The following FHIT variants were observed in gnomAD, a reference collection of about 807,000 sequenced individuals.
The protein encoded by FHIT is bis(5'-adenosyl)-triphosphatase.
In FHIT, 19 loss-of-function variants were observed where a neutral mutation model predicts 17.9. That is an observed-to-expected ratio of 1.06 (90% CI 0.74 to 1.56). FHIT has a LOEUF of 1.56. FHIT is among the 40% of genes most tolerant of loss of function. The probability of loss-of-function intolerance (pLI) is 0.00; values close to 1 mark genes in which losing one functional copy is unlikely to be tolerated. For missense variants in FHIT, 248 were observed against 189.2 expected (o/e 1.31, Z -1.82); for synonymous variants, 81 against 69.7 (o/e 1.16, Z -0.81).
At chr3:60,622,170 C>T (rs2039151588) in intron 4 of FHIT, among the ~76,000 whole-genome samples, 1 of 152,094 alleles carries the variant, frequency 6.6e-6, no homozygotes, top group African/African-American at 2.4e-5. Context: ...TCACGGTGCC[C>T]CTAAAAGTAC....
chr3:60,845,039 T>G (rs1702877288), intron 3 of FHIT, among the ~76,000 whole-genome samples: 1 of 152,100 alleles, frequency 6.6e-6, no homozygotes, highest in African/African-American at 2.4e-5. Context: ...ATTTATTAAA[T>G]TCATTCTGAA....
At chr3:59,960,469 T>C (rs1276844712) in intron 7 of FHIT, among the ~76,000 whole-genome samples, 1 of 152,022 alleles carries the variant, frequency 6.6e-6, no homozygotes, top group East Asian at 1.9e-4. Context: ...CTTGTTGACT[T>C]TGGAATACCT....
At chr3:60,924,508 G>C (rs193079307) in intron 3 of FHIT, among the ~76,000 whole-genome samples, 49 of 152,294 alleles carry the variant, frequency 3.2e-4, no homozygotes, top group African/African-American at 1.1e-3. Flanking sequence ...CTGACTGTTA[G>C]AAGGAAAACT....
chr3:60,517,269 C>T (rs374617481), intron 5 of FHIT, among the ~76,000 whole-genome samples: 21 of 152,186 alleles, frequency 1.4e-4, no homozygotes, highest in African/African-American at 4.8e-4. Context: ...TGAGAACACA[C>T]AACTTGTTGT....
chr3:60,101,428 C>A (rs1704186248), intron 5 of FHIT, among the ~76,000 whole-genome samples: 1 of 152,206 alleles, frequency 6.6e-6, no homozygotes, highest in Admixed American at 6.5e-5. Context: ...GGCTCTTGCT[C>A]ATCCGTTAAG....
intron 5 of FHIT, among the ~76,000 whole-genome samples, chr3:60,269,378 T>G (rs1037077598): frequency 3.2e-4 from 48 of 152,198 alleles, no homozygotes; most frequent in African/African-American, 1.2e-3. Flanking sequence ...ATAGTTTTCT[T>G]TTACTGACCA....
chr3:59,956,939 T>C (rs983412614), intron 7 of FHIT, among the ~76,000 whole-genome samples: 1 of 152,228 alleles, frequency 6.6e-6, no homozygotes. Context: ...TTTTATTTCC[T>C]AGTACTAATC....
intron 5 of FHIT, among the ~76,000 whole-genome samples, chr3:60,521,392 C>A (rs2446705): frequency 6.6e-6 from 1 of 151,788 alleles, no homozygotes; most frequent in Non-Finnish European, 1.5e-5. Flanking sequence ...GGACTACAGG[C>A]GCCCGCCACC....
intron 2 of FHIT, among the ~76,000 whole-genome samples, chr3:61,188,700 C>T (rs934215288): frequency 4.6e-5 from 7 of 151,936 alleles, no homozygotes; most frequent in African/African-American, 1.2e-4. Flanking sequence ...ACTGGCAAAC[C>T]GAATCCAGCA....
chr3:60,190,619 G>C lies in FHIT; in HGVS notation c.104-176467C>G, dbSNP rs187105601. Among the ~76,000 whole-genome samples, 221 of 151,974 alleles carry C rather than the reference G, an allele frequency of 1.5e-3. 1 individual carries two copies. The East Asian group carries it at 0.036, about 25-fold the overall frequency. On this transcript the variant is annotated intron_variant, in intron 5 of 9. Transcript: ENST00000492590. ...CAACATCACTGGGGACTGTTGTGGGGTGGGGGAGCAGGGAGGGATAGCATT... is the reference window on the plus strand; with the variant it reads ...CAACATCACTGGGGACTGTTGTGGGCTGGGGGAGCAGGGAGGGATAGCATT...
chr3:60,498,372 C>A (rs556378154), intron 5 of FHIT, among the ~76,000 whole-genome samples: 2 of 152,018 alleles, frequency 1.3e-5, no homozygotes, highest in African/African-American at 2.4e-5. Context: ...GTATGTTATA[C>A]CCCCTGATTT....
chr3:60,047,092 G>A (rs1327251472), intron 5 of FHIT, among the ~76,000 whole-genome samples: 5 of 152,168 alleles, frequency 3.3e-5, no homozygotes, highest in African/African-American at 1.2e-4. Flanking sequence ...ATTTTGCTAG[G>A]AATTTGTTAA....
At chr3:60,276,452 T>C (rs574901260) in intron 5 of FHIT, among the ~76,000 whole-genome samples, 1 of 152,184 alleles carries the variant, frequency 6.6e-6, no homozygotes, top group African/African-American at 2.4e-5. Context: ...GATATCAGAG[T>C]ACTCATTCAG....
At chr3:60,589,767 A>G (rs1454307368) in intron 4 of FHIT, among the ~76,000 whole-genome samples, 1 of 152,098 alleles carries the variant, frequency 6.6e-6, no homozygotes, top group Non-Finnish European at 1.5e-5. Context: ...TCACCAAAGC[A>G]GTATATTTTT....
intron 4 of FHIT, among the ~76,000 whole-genome samples, chr3:60,563,429 G>C (rs2037024077): frequency 6.6e-6 from 1 of 152,152 alleles, no homozygotes; most frequent in African/African-American, 2.4e-5. Context: ...TCAAGTGAAA[G>C]GAAGTGTCAC....
At chr3:60,735,949 T>C (rs2042125242) in intron 4 of FHIT, among the ~76,000 whole-genome samples, 1 of 152,230 alleles carries the variant, frequency 6.6e-6, no homozygotes, top group Admixed American at 6.5e-5. Context: ...AAATCTTGTT[T>C]CCTCTCAGTG....
At chr3:60,961,583 T>A (rs1183148589) in intron 3 of FHIT, among the ~76,000 whole-genome samples, 4 of 152,216 alleles carry the variant, frequency 2.6e-5, no homozygotes, top group African/African-American at 9.7e-5. Context: ...AAGTCTTTAA[T>A]CCACCTTGAA....
chr3:61,124,427 C>A (rs978816921), intron 2 of FHIT, among the ~76,000 whole-genome samples: 2 of 152,004 alleles, frequency 1.3e-5, no homozygotes, highest in African/African-American at 4.8e-5. Flanking sequence ...TTAACAACGG[C>A]TGGTGGTGGG....
chr3:60,329,842 C>G (rs1017871980), intron 5 of FHIT, among the ~76,000 whole-genome samples: 1 of 152,148 alleles, frequency 6.6e-6, no homozygotes, highest in African/African-American at 2.4e-5. Flanking sequence ...TTTGTGGCTA[C>G]TAGTGAACAA....
Sources: gnomAD v4.1 joint callset for allele counts (sites outside exome capture counted in the v4.1 genomes callset) on GRCh38, gnomAD v4.1.1 for gene constraint, MANE v1.5 for transcripts, NCBI Gene and HGNC (gene_info 2026-07-23, HGNC 2026-07-21) for gene names.